Variants in GRIN2D observed in about 807,000 individuals in gnomAD.
The protein encoded by GRIN2D is glutamate ionotropic receptor NMDA type subunit 2D.
A neutral mutation model predicts 103.2 loss-of-function variants in GRIN2D; 37 were observed. That is an observed-to-expected ratio of 0.36 (90% CI 0.28 to 0.47). The LOEUF (loss-of-function observed/expected upper bound fraction) is 0.47. Ranked by LOEUF, GRIN2D falls within the 20% of genes least tolerant of loss-of-function variation. The pLI, the probability that GRIN2D is intolerant of heterozygous loss-of-function variation, is 1.00. For synonymous variants in GRIN2D, 845 were observed against 885.6 expected (o/e 0.95, Z 0.81); for missense variants, 1,557 against 1,910.6 (o/e 0.81, Z 3.45).
chr19:48,420,253 C>CCCGT (rs1407997916), intron 10 of GRIN2D, among the ~76,000 whole-genome samples: 1 of 151,148 alleles, frequency 6.6e-6, no homozygotes, highest in East Asian at 2.0e-4. Context: ...ACGGTGAAAC[C>CCCGT]CCGTCTCTTC....
At chr19:48,435,881 A>G (rs1218310857) in intron 11 of GRIN2D, among the ~76,000 whole-genome samples, 1 of 152,258 alleles carries the variant, frequency 6.6e-6, no homozygotes, top group Non-Finnish European at 1.5e-5. Flanking sequence ...CGTGCAATGC[A>G]CGGAATAAAT....
Position 48,406,154 on chromosome 19 carries a change from C to T in GRIN2D, c.1085+801C>T, listed in dbSNP as rs148271171. Among the ~76,000 whole-genome samples the T allele has an allele frequency of 3.9e-3, 598 of 152,252 alleles. 5 individuals carry two copies. Among genetic ancestry groups the T allele is most frequent in the African/African-American group, 0.013 (556 of 41,542 alleles). ...TAGACGCCTATTCTGATTGACTAGA[C>T]GTCCATTCCGATAGGCTAGACGTCC... is the stretch of plus-strand genomic sequence containing the variant. On this transcript the variant is annotated intron_variant, in intron 4 of 13. Coordinates refer to ENST00000263269, the MANE Select transcript of GRIN2D (RefSeq NM_000836.4).
In GRIN2D at chr19:48,442,690, G is replaced by A; in HGVS notation, c.2764G>A (p.Ala922Thr). ...PQPLPSPAYP[A>T]PRPAPGPAPF... The stretch of plus-strand genomic sequence containing the variant: ...GCCCCTGCCCAGCCCCGCGTACCCC[G>A]CGCCGCGGCCGGCTCCCGGGCCCGC... The change falls in exon 14 of 14, where the codon GCG (alanine) becomes ACG (threonine). Residue 922 changes from alanine (A) to threonine (T), a missense_variant. Physicochemically the swap from Ala to Thr is moderately conservative, Grantham distance 58. Coordinates refer to ENST00000263269, the MANE Select transcript of GRIN2D (RefSeq NM_000836.4). The surrounding 1 kb of genome is among the most constrained non-coding windows in gnomAD (Gnocchi z 7.2). The A allele has an allele frequency of 8.4e-7, 1 of 1,192,444 alleles. No homozygotes were observed. Among genetic ancestry groups the A allele is most frequent in the South Asian group, 3.3e-5 (1 of 30,020 alleles). 73.9% of individuals were successfully genotyped at this position (1,192,444 alleles called of 1,614,324 possible).
intron 4 of GRIN2D, among the ~76,000 whole-genome samples, chr19:48,407,223 T>C (rs1970803784): frequency 6.6e-6 from 1 of 152,054 alleles, no homozygotes; most frequent in Non-Finnish European, 1.5e-5. Context: ...ACTGCCCACC[T>C]CGGCCTCCCA....
In GRIN2D at chr19:48,414,186, G is replaced by A. The variant is rs992717705; in HGVS notation, c.1200+81G>A. ...GGCAGAGGGGGGGCTTGAGGTCGTG[G>A]ACTAAGAGGGAGGAGGGGACAAGGA... On this transcript the variant is annotated intron_variant, in intron 5 of 13. Transcript: ENST00000263269. This position sits in a 1 kb window ranked among gnomAD's most constrained non-coding sequence, Gnocchi z 4.6. 1 of 956,462 alleles carries A rather than the reference G, an allele frequency of 1.0e-6. No individual in the cohort carries two copies. The highest frequency in any genetic ancestry group is 1.4e-5 in the South Asian group (1 of 73,132). The allele number at this position is 956,462 out of a possible 1,614,324, so 59.2% of individuals were successfully genotyped here.
In GRIN2D at chr19:48,394,913, C is replaced by G. The variant is rs909592551; in HGVS notation, c.-50C>G. ...CGGTCCTGGCCCCCCCGCCATCCCC[C>G]CAACAGAACAGGGTCATGAAAAGGT... is the stretch of plus-strand genomic sequence containing the variant. On this transcript the variant is annotated 5_prime_UTR_variant, in exon 2 of 14. Transcript: ENST00000263269. The surrounding 1 kb of genome is among the most constrained non-coding windows in gnomAD (Gnocchi z 5.1). 6.5e-6 allele frequency: 1 copy of G among 153,302 alleles called. No homozygotes were observed. The highest frequency in any genetic ancestry group is 2.4e-5 in the African/African-American group (1 of 41,444). 9.5% of individuals were successfully genotyped at this position (153,302 alleles called of 1,614,324 possible). A position where few individuals can be genotyped will look rare whatever the true frequency, so the allele number is the denominator to read the frequency against.
In GRIN2D at chr19:48,442,449, A is replaced by G; in HGVS notation, c.2673+67A>G. 6.4e-7 allele frequency: 1 copy of G among 1,552,472 alleles called. No individual in the cohort carries two copies. Among genetic ancestry groups the G allele is most frequent in the South Asian group, 1.1e-5 (1 of 88,194 alleles). On this transcript the variant is annotated intron_variant, in intron 13 of 13. Transcript: ENST00000263269. This position sits in a 1 kb window ranked among gnomAD's most constrained non-coding sequence, Gnocchi z 7.2. ...GGCGGGGACAAAGGTAAAGCCGAGC[A>G]GAGACAAGGAGATGTGGGTCGAGAT...
Position 48,405,053 on chromosome 19 carries a change from A to G in GRIN2D, c.785A>G (p.Glu262Gly). 6.2e-7 allele frequency: 1 copy of G among 1,608,966 alleles called. No homozygotes were observed. Among genetic ancestry groups the G allele is most frequent in the Non-Finnish European group, 8.5e-7 (1 of 1,177,542 alleles). Reference sequence around the variant, plus strand: ...GAGCCCGTGTTCCGCGCAGCTGAGGAGGCTGGCCTCACTGGATCTGGCTAC... The same window carrying G: ...GAGCCCGTGTTCCGCGCAGCTGAGGGGGCTGGCCTCACTGGATCTGGCTAC... ...EAEPVFRAAE[E>G]AGLTGSGYVW... The change falls in exon 4 of 14, where the codon GAG becomes GGG. Residue 262 changes from glutamate (E) to glycine (G), a missense_variant. Transcript: ENST00000263269. The surrounding 1 kb of genome is among the most constrained non-coding windows in gnomAD (Gnocchi z 5.1).
chr19:48,403,454 G>A (rs76754767), intron 3 of GRIN2D, among the ~76,000 whole-genome samples: 8,828 of 152,138 alleles, frequency 0.058, 347 homozygotes, highest in Middle Eastern at 0.18. Flanking sequence ...TTTTTCCTCT[G>A]GTCCTTGATT....
In GRIN2D at chr19:48,421,560, G is replaced by A. The variant is rs1971023789; in HGVS notation, c.2092-225G>A. On this transcript the variant is annotated intron_variant, in intron 10 of 13. Transcript: ENST00000263269. This position sits in a 1 kb window ranked among gnomAD's most constrained non-coding sequence, Gnocchi z 4.8. ...AAGACTTAACACCTGGCACATCAGG[G>A]GCCTCAGGGAGGCTTCTCGTGAACT... Among the ~76,000 whole-genome samples, 1 of 152,150 alleles carries A rather than the reference G, an allele frequency of 6.6e-6. No homozygotes were observed. Among genetic ancestry groups the A allele is most frequent in the Non-Finnish European group, 1.5e-5 (1 of 68,034 alleles).
intron 11 of GRIN2D, among the ~76,000 whole-genome samples, chr19:48,440,490 G>C (rs1159440333): frequency 6.6e-6 from 1 of 152,182 alleles, no homozygotes; most frequent in Non-Finnish European, 1.5e-5. Context: ...CTACTGAGGA[G>C]GCTGAGGCAG....
intron 11 of GRIN2D, among the ~76,000 whole-genome samples, chr19:48,429,360 G>A (rs995773709): frequency 2.0e-5 from 3 of 151,618 alleles, no homozygotes; most frequent in Non-Finnish European, 2.9e-5. Context: ...CAAGCAGCTG[G>A]GACTACAGGT....
intron 11 of GRIN2D, among the ~76,000 whole-genome samples, chr19:48,427,167 A>T (rs913421673): frequency 1.3e-5 from 2 of 151,940 alleles, no homozygotes; most frequent in African/African-American, 4.8e-5. Flanking sequence ...AAAAAAATAC[A>T]AAAATTAGCC....
intron 11 of GRIN2D, among the ~76,000 whole-genome samples, chr19:48,424,044 C>G (rs1489681156): frequency 6.6e-6 from 1 of 151,838 alleles, no homozygotes; most frequent in African/African-American, 2.4e-5. Context: ...GTCTTGAACT[C>G]CTGACATGAG....
intron 11 of GRIN2D, among the ~76,000 whole-genome samples, chr19:48,441,093 G>T (rs889271534): frequency 6.6e-6 from 1 of 152,040 alleles, no homozygotes; most frequent in Non-Finnish European, 1.5e-5. Flanking sequence ...GGCCAGGTGC[G>T]GTTGCTCACG....
At chr19:48,418,719 G>C (rs1229254376) in intron 8 of GRIN2D, among the ~76,000 whole-genome samples, 1 of 152,032 alleles carries the variant, frequency 6.6e-6, no homozygotes, top group Non-Finnish European at 1.5e-5. Context: ...TGGGTGGATG[G>C]TGGGGCTCCC....
At position 48,414,363 on chromosome 19, in the gene GRIN2D, T is replaced by C. The variant is rs1189421210; in HGVS notation, c.1201-10T>C. On this transcript the variant is annotated splice_polypyrimidine_tract_variant and intron_variant, in intron 5 of 13. Transcript: ENST00000263269. The surrounding 1 kb of genome is among the most constrained non-coding windows in gnomAD (Gnocchi z 4.6). ...CCCAGGAAGCCTGACTCTCTTTCCC[T>C]TTGGCCAAGGTGGGCAGCTGGGAGC... is the stretch of plus-strand genomic sequence containing the variant. 1.3e-6 allele frequency: 2 copies of C among 1,596,056 alleles called. No individual in the cohort carries two copies. The highest frequency in any genetic ancestry group is 1.3e-5 in the African/African-American group (1 of 74,774).
chr19:48,419,590 G>C lies in GRIN2D; in HGVS notation c.1867G>C (p.Gly623Arg). 1 of 1,612,102 alleles carries C rather than the reference G, an allele frequency of 6.2e-7. No homozygotes were observed. Among genetic ancestry groups the C allele is most frequent in the Non-Finnish European group, 8.5e-7 (1 of 1,178,720 alleles). ...NRSLATGKRP[G>R]GSTFTIGKSI... ...CACGTCCTGGCCCCCTGCAGGCCCT[G>C]GCGGTTCAACCTTCACCATTGGGAA... The change falls in exon 10 of 14, where the codon GGC becomes CGC. Residue 623 changes from glycine (G) to arginine (R), a missense_variant. Physicochemically the swap from Gly to Arg is moderately radical, Grantham distance 125 (BLOSUM62 -2). Transcript: ENST00000263269.
Position 48,442,604 on chromosome 19 carries a change from T to C in GRIN2D, c.2678T>C (p.Met893Thr). The change falls in exon 14 of 14, where the codon ATG becomes ACG. Residue 893 changes from methionine (M) to threonine (T), a missense_variant. Met to Thr is a moderately conservative substitution (Grantham distance 81). Coordinates refer to ENST00000263269, the MANE Select transcript of GRIN2D (RefSeq NM_000836.4). This position sits in a 1 kb window ranked among gnomAD's most constrained non-coding sequence, Gnocchi z 7.2. ...MDFLLAFSRG[M>T]YSCCSAEAAP... ...GTCCTGTCCCCGGACCCGCAGGGCATGTACAGCTGCTGCAGCGCTGAGGCC... is the reference window on the plus strand; with the variant it reads ...GTCCTGTCCCCGGACCCGCAGGGCACGTACAGCTGCTGCAGCGCTGAGGCC... 1.3e-6 allele frequency: 2 copies of C among 1,511,860 alleles called. No individual in the cohort carries two copies. Among genetic ancestry groups the C allele is most frequent in the Non-Finnish European group, 1.8e-6 (2 of 1,134,746 alleles). The allele number at this position is 1,511,860 out of a possible 1,614,324, so 93.7% of individuals were successfully genotyped here. A position where few individuals can be genotyped will look rare whatever the true frequency, so the allele number is the denominator to read the frequency against.
Sources: allele counts gnomAD v4.1 joint callset (sites outside exome capture counted in the v4.1 genomes callset), GRCh38; gene constraint gnomAD v4.1.1; non-coding constraint Gnocchi (gnomAD v3.1); transcripts MANE v1.5; gene names NCBI Gene and HGNC (gene_info 2026-07-23, HGNC 2026-07-21).